Variants in MDGA2 observed in about 807,000 individuals in gnomAD.
MDGA2 encodes the protein MAM domain-containing glycosylphosphatidylinositol anchor protein 2.
In MDGA2, 40 loss-of-function variants were observed where a neutral mutation model predicts 117.8. The observed-to-expected ratio is 0.34, with a 90% CI of 0.26 to 0.44. MDGA2 has a LOEUF of 0.44. Among genes scored for constraint, MDGA2 ranks in the 20% least tolerant of loss-of-function variants. The pLI, the probability that MDGA2 is intolerant of heterozygous loss-of-function variation, is 1.00. For missense variants in MDGA2, 1,123 were observed against 1,250.6 expected (o/e 0.90, Z 1.54); for synonymous variants, 452 against 439.0 (o/e 1.03, Z -0.37).
chr14:47,015,015 AT>A (rs552027067), intron 8 of MDGA2, among the ~76,000 whole-genome samples: 115 of 152,282 alleles, frequency 7.6e-4, no homozygotes, highest in African/African-American at 2.6e-3. Context: ...CTTAGAAGAC[AT>A]TATAGGGTTA....
intron 1 of MDGA2, among the ~76,000 whole-genome samples, chr14:47,488,716 A>G (rs1894108846): frequency 1.3e-5 from 2 of 152,116 alleles, no homozygotes; most frequent in Admixed American, 1.3e-4. Context: ...AACAAATAAA[A>G]GCAGGCCATG....
intron 1 of MDGA2, among the ~76,000 whole-genome samples, chr14:47,396,211 T>G (rs1428408850): frequency 2.0e-5 from 3 of 152,166 alleles, no homozygotes; most frequent in African/African-American, 7.2e-5. Flanking sequence ...CCTTATGTAA[T>G]GCAGAAGGCT....
chr14:47,662,341 G>A (rs1897865951), intron 1 of MDGA2, among the ~76,000 whole-genome samples: 1 of 151,958 alleles, frequency 6.6e-6, no homozygotes, highest in South Asian at 2.1e-4. Context: ...TAGTATACAT[G>A]CAAATACTCT....
chr14:47,439,509 G>A (rs1011371095), intron 1 of MDGA2, among the ~76,000 whole-genome samples: 4 of 152,060 alleles, frequency 2.6e-5, no homozygotes, highest in South Asian at 2.1e-4. Flanking sequence ...CATTGTCAGT[G>A]GTCCTCCCCT....
intron 1 of MDGA2, among the ~76,000 whole-genome samples, chr14:47,567,710 T>C (rs2138814283): frequency 6.6e-6 from 1 of 152,332 alleles, no homozygotes; most frequent in Non-Finnish European, 1.5e-5. Context: ...CACCCCTGTT[T>C]CTTATTGGGC....
At chr14:47,022,943 C>T (rs1594537162) in intron 8 of MDGA2, among the ~76,000 whole-genome samples, 1 of 152,116 alleles carries the variant, frequency 6.6e-6, no homozygotes, top group East Asian at 1.9e-4. Flanking sequence ...TGCATTTATG[C>T]CTCTGCTGTG....
Position 46,999,485 on chromosome 14 carries a change from A to C in MDGA2, c.1819+35526T>G, listed in dbSNP as rs535324947. ...AAGTGCAATATCTCAAAAAGAAAATATATTTTTTGCACTGTAATTGAAGAG... is the reference window on the plus strand; with the variant it reads ...AAGTGCAATATCTCAAAAAGAAAATCTATTTTTTGCACTGTAATTGAAGAG... On this transcript the variant is annotated intron_variant, in intron 8 of 16. Transcript: ENST00000399232. Among the ~76,000 whole-genome samples the C allele has an allele frequency of 3.9e-4, 60 of 152,200 alleles. 1 individual carries two copies. In the South Asian group the frequency reaches 0.011, roughly 27 times the overall value.
intron 1 of MDGA2, among the ~76,000 whole-genome samples, chr14:47,401,849 G>A: frequency 6.6e-6 from 1 of 152,164 alleles, no homozygotes; most frequent in East Asian, 1.9e-4. Flanking sequence ...TCCATTGAGT[G>A]GTAAGATTGC....
intron 2 of MDGA2, among the ~76,000 whole-genome samples, chr14:47,245,480 C>T (rs1313450396): frequency 6.6e-6 from 1 of 151,562 alleles, no homozygotes; most frequent in African/African-American, 2.4e-5. Flanking sequence ...GTTCAGTGCC[C>T]CTACCCACTG....
chr14:47,051,837 G>A lies in MDGA2; in HGVS notation c.1525+9412C>T, dbSNP rs1008524709. ...ATTTTCTTTTTGCCAATTGTGAATG[G>A]TAGGTTAGTAGTGTCATCTGTGACC... On this transcript the variant is annotated intron_variant, in intron 7 of 16. Transcript: ENST00000399232. Among the ~76,000 whole-genome samples, 3 of 151,836 alleles carry A rather than the reference G, an allele frequency of 2.0e-5. No individual in the cohort carries two copies. The East Asian group carries it at 5.8e-4, about 29-fold the overall frequency.
intron 1 of MDGA2, among the ~76,000 whole-genome samples, chr14:47,463,221 G>A (rs1477157563): frequency 6.6e-6 from 1 of 151,966 alleles, no homozygotes; most frequent in Non-Finnish European, 1.5e-5. Context: ...TTATTTCCTT[G>A]TCCCATTCCA....
intron 3 of MDGA2, among the ~76,000 whole-genome samples, chr14:47,192,802 G>A (rs1885162314): frequency 6.6e-6 from 1 of 152,116 alleles, no homozygotes; most frequent in South Asian, 2.1e-4. Flanking sequence ...TCCTAAATGT[G>A]TTAGCTAAAT....
chr14:47,666,638 C>G (rs1024652671), intron 1 of MDGA2, among the ~76,000 whole-genome samples: 6 of 152,152 alleles, frequency 3.9e-5, no homozygotes, highest in African/African-American at 1.4e-4. Flanking sequence ...ATGGACAAAT[C>G]AGCAGGATGT....
chr14:47,087,288 G>A (rs1272610788), intron 6 of MDGA2, among the ~76,000 whole-genome samples: 4 of 151,666 alleles, frequency 2.6e-5, no homozygotes, highest in African/African-American at 9.7e-5. Context: ...GCCTAGGCAG[G>A]TGGATCACCT....
intron 1 of MDGA2, among the ~76,000 whole-genome samples, chr14:47,525,700 A>T (rs1894957637): frequency 6.6e-6 from 1 of 151,886 alleles, no homozygotes; most frequent in South Asian, 2.1e-4. Context: ...AAAATAAAAT[A>T]ATAAAAAAAA....
At chr14:47,628,813 C>T (rs963237789) in intron 1 of MDGA2, among the ~76,000 whole-genome samples, 11 of 152,222 alleles carry the variant, frequency 7.2e-5, no homozygotes, top group Non-Finnish European at 1.3e-4. Context: ...TACGCTTAAG[C>T]GTAGCTTTAG....
intron 14 of MDGA2, among the ~76,000 whole-genome samples, chr14:46,866,378 T>C (rs1595005843): frequency 6.6e-6 from 1 of 152,224 alleles, no homozygotes; most frequent in Admixed American, 6.5e-5. Flanking sequence ...TTACACCTTA[T>C]ACAAAAATCA....
chr14:47,372,826 T>C lies in MDGA2; in HGVS notation c.281-71276A>G, dbSNP rs773660490. Among the ~76,000 whole-genome samples, 24 of 151,988 alleles carry C rather than the reference T, an allele frequency of 1.6e-4. 1 individual carries two copies. The highest frequency in any genetic ancestry group is 1.5e-3 in the Admixed American group (23 of 15,256). On this transcript the variant is annotated intron_variant, in intron 1 of 16. Coordinates refer to ENST00000399232, the MANE Select transcript of MDGA2 (RefSeq NM_001113498.3). Reference sequence around the variant, plus strand: ...ATAATTAAATTTGACTATCCAATGATAGGCAAATGTTCATATACATTTTAT... The same window carrying C: ...ATAATTAAATTTGACTATCCAATGACAGGCAAATGTTCATATACATTTTAT...
chr14:46,890,833 GAAGT>G (rs1882853436), intron 10 of MDGA2, among the ~76,000 whole-genome samples: 1 of 152,082 alleles, frequency 6.6e-6, no homozygotes, highest in Non-Finnish European at 1.5e-5. Flanking sequence ...CACAGAAATA[GAAGT>G]AATAGAAAAA....
Sources: allele counts gnomAD v4.1 joint callset (sites outside exome capture counted in the v4.1 genomes callset), GRCh38; gene constraint gnomAD v4.1.1; transcripts MANE v1.5; gene names NCBI Gene and HGNC (gene_info 2026-07-23, HGNC 2026-07-21).